Variants in GALNT13 observed in about 807,000 individuals in gnomAD.
The protein encoded by GALNT13 is UDP-GalNAc:polypeptide N-acetylgalactosaminyltransferase 13.
Under a neutral mutation model 64.2 loss-of-function variants are expected in GALNT13, and 28 were observed. That is an observed-to-expected ratio of 0.44 (90% confidence interval 0.32 to 0.60). The LOEUF is 0.60. Among genes scored for constraint, GALNT13 ranks in the 20% least tolerant of loss-of-function variants. The probability of loss-of-function intolerance (pLI) is 0.05; values close to 1 mark genes in which losing one functional copy is unlikely to be tolerated. For synonymous variants in GALNT13, 214 were observed against 224.6 expected, an observed-to-expected ratio of 0.95 and a Z score of 0.42; for missense variants, 577 against 669.8, an observed-to-expected ratio of 0.86 and a Z score of 1.53.
the GALNT13 span, among the ~76,000 whole-genome samples, chr2:153,482,835 T>G: frequency 6.6e-6 from 1 of 152,112 alleles, no homozygotes; most frequent in Admixed American, 6.6e-5. Flanking sequence ...GATAACACTT[T>G]ACAGAATTTT....
At chr2:153,774,122 T>C in the GALNT13 span, among the ~76,000 whole-genome samples, 1 of 152,168 alleles carries the variant, frequency 6.6e-6, no homozygotes, top group Non-Finnish European at 1.5e-5. Context: ...CATGTTTTTA[T>C]ATTATAGAAA....
At chr2:153,773,163 A>G in the GALNT13 span, among the ~76,000 whole-genome samples, 2 of 152,188 alleles carry the variant, frequency 1.3e-5, no homozygotes, top group Non-Finnish European at 2.9e-5. Context: ...GATATTTGTA[A>G]TTGGACAAGG....
At chr2:153,192,444 C>G in the GALNT13 span, among the ~76,000 whole-genome samples, 762 of 152,088 alleles carry the variant, frequency 5.0e-3, 5 homozygotes, top group African/African-American at 0.018. Context: ...TGTTTTGTGG[C>G]CTAACATGTG....
the GALNT13 span, among the ~76,000 whole-genome samples, chr2:153,696,226 G>A: frequency 6.6e-6 from 1 of 152,166 alleles, no homozygotes; most frequent in Non-Finnish European, 1.5e-5. Flanking sequence ...TCCAAAAGCT[G>A]AAGAAACCGG....
At chr2:153,758,382 A>T in the GALNT13 span, among the ~76,000 whole-genome samples, 1 of 151,676 alleles carries the variant, frequency 6.6e-6, no homozygotes, top group Non-Finnish European at 1.5e-5. Flanking sequence ...TGCTGTTTTA[A>T]TTACTATCAT....
the GALNT13 span, among the ~76,000 whole-genome samples, chr2:153,115,085 G>C: frequency 6.6e-6 from 1 of 151,382 alleles, no homozygotes; most frequent in Non-Finnish European, 1.5e-5. Context: ...TCTTCATAAT[G>C]AGTACTAAAA....
rs919466102 is a variant in GALNT13, at chr2:154,451,742, G to A, written c.*1191G>A. 7 of 151,828 alleles carry A rather than the reference G, an allele frequency of 4.6e-5. No individual in the cohort carries two copies. Among genetic ancestry groups the A allele is most frequent in the African/African-American group, 9.7e-5 (4 of 41,318 alleles). The allele number at this position is 151,828 out of a possible 1,614,324, so 9.4% of individuals were successfully genotyped here. A position where few individuals can be genotyped will look rare whatever the true frequency, so the allele number is the denominator to read the frequency against. On this transcript the variant is annotated 3_prime_UTR_variant, in exon 13 of 13. Transcript: ENST00000392825. ...TTATGTTCAAAATACATTAGCAGAG[G>A]CCATGAAAGTGAAAAAAAATCAGAT...
At chr2:153,860,010 T>A in the GALNT13 span, among the ~76,000 whole-genome samples, 1 of 152,204 alleles carries the variant, frequency 6.6e-6, no homozygotes, top group African/African-American at 2.4e-5. Context: ...AAAGGTAGAT[T>A]TTTTTGAAGG....
chr2:153,078,801 T>C, the GALNT13 span, among the ~76,000 whole-genome samples: 1 of 152,162 alleles, frequency 6.6e-6, no homozygotes, highest in Non-Finnish European at 1.5e-5. Context: ...TTATTGAGTA[T>C]TATCGTAATG....
chr2:153,082,488 C>T, the GALNT13 span, among the ~76,000 whole-genome samples: 1 of 147,424 alleles, frequency 6.8e-6, no homozygotes, highest in Non-Finnish European at 1.5e-5. Context: ...TATTTCATTG[C>T]TTTTTGTGGG....
chr2:153,667,268 T>C, the GALNT13 span, among the ~76,000 whole-genome samples: 1 of 152,030 alleles, frequency 6.6e-6, no homozygotes, highest in African/African-American at 2.4e-5. Flanking sequence ...ACATTCAAAG[T>C]CAGAAAATTC....
chr2:153,533,727 T>C, the GALNT13 span, among the ~76,000 whole-genome samples: 2 of 101,952 alleles, frequency 2.0e-5, no homozygotes, highest in Non-Finnish European at 4.2e-5. Flanking sequence ...GTTTTTCTTT[T>C]TTTTTTTTTT....
chr2:154,212,856 AT>A (rs910529096), intron 4 of GALNT13, among the ~76,000 whole-genome samples: 12 of 151,042 alleles, frequency 7.9e-5, no homozygotes, highest in South Asian at 2.1e-4. Flanking sequence ...AGACTTGTGC[AT>A]TTTTTTTCAC....
the GALNT13 span, among the ~76,000 whole-genome samples, chr2:153,825,703 G>A: frequency 2.7e-5 from 4 of 150,920 alleles, no homozygotes; most frequent in Admixed American, 2.0e-4. Flanking sequence ...AGAAATGCCA[G>A]GCAATTAATC....
the GALNT13 span, chr2:153,477,748 G>A: frequency 2.5e-5 from 4 of 157,120 alleles, no homozygotes; most frequent in East Asian, 3.8e-4. Flanking sequence ...CTCCAGGGCA[G>A]GGGGGGAGCA....
the GALNT13 span, among the ~76,000 whole-genome samples, chr2:153,626,570 A>G: frequency 1.3e-5 from 2 of 152,132 alleles, no homozygotes; most frequent in Non-Finnish European, 2.9e-5. Context: ...TGCTTGGCAC[A>G]TAAGAGGTGC....
chr2:154,365,963 A>T (rs1374704145), intron 9 of GALNT13, among the ~76,000 whole-genome samples: 2 of 152,186 alleles, frequency 1.3e-5, no homozygotes, highest in Non-Finnish European at 2.9e-5. Context: ...AATGCTATTG[A>T]CAATCATCAA....
At chr2:153,449,310 AG>A in the GALNT13 span, among the ~76,000 whole-genome samples, 1 of 152,052 alleles carries the variant, frequency 6.6e-6, no homozygotes, top group African/African-American at 2.4e-5. Context: ...GGACAGGAGG[AG>A]GGGGAGGTCT....
chr2:153,630,797 ATATATATATATTTT>A, the GALNT13 span, among the ~76,000 whole-genome samples: 888 of 16,060 alleles, frequency 0.055, 4 homozygotes, highest in Non-Finnish European at 0.087. Context: ...ATATATATAT[ATATATATATATTTT>A]TTTTTTTTTT....
Sources: gnomAD v4.1 joint callset for allele counts (sites outside exome capture counted in the v4.1 genomes callset) on GRCh38, gnomAD v4.1.1 for gene constraint, MANE v1.5 for transcripts, NCBI Gene and HGNC (gene_info 2026-07-23, HGNC 2026-07-21) for gene names.